Variants in ATP2C1 observed in about 807,000 individuals in gnomAD.
ATP2C1 encodes calcium-transporting ATPase type 2C member 1.
Under a neutral mutation model 120.5 loss-of-function variants are expected in ATP2C1, and 31 were observed. The observed-to-expected ratio is 0.26, with a 90% CI of 0.19 to 0.35. The LOEUF (loss-of-function observed/expected upper bound fraction) is 0.35, where lower values mean the gene tolerates loss of function less well. Among genes scored for constraint, ATP2C1 ranks in the 10% least tolerant of loss-of-function variants. ATP2C1 has a pLI of 1.00. For missense variants in ATP2C1, 731 were observed against 1,107.5 expected (o/e 0.66, Z 4.83); for synonymous variants, 351 against 358.7 (o/e 0.98, Z 0.24).
At chr3:130,889,280 C>T (rs2069085842), upstream of ATP2C1, among the ~76,000 whole-genome samples, 1 of 152,130 alleles carries the variant, frequency 6.6e-6, no homozygotes, top group Non-Finnish European at 1.5e-5. Context: ...TACAGTGGCC[C>T]TACCAGTAAT....
In ATP2C1 at chr3:130,874,703, T is replaced by A. The variant is rs111488056; in HGVS notation, c.108+23775T>A. Among the ~76,000 whole-genome samples, 773 of 152,282 alleles carry A rather than the reference T, an allele frequency of 5.1e-3. 11 individuals carry two copies. The highest frequency in any genetic ancestry group is 0.017 in the African/African-American group (722 of 41,546). On this transcript the variant is annotated intron_variant, in intron 1 of 26. Coordinates refer to the ATP2C1 transcript ENST00000504381. Reference sequence around the variant, plus strand: ...TATTAAAGGACTTGGCTTCTTCGAGTCACTACTTTGCCATTCTTAGTATTG... The same window carrying A: ...TATTAAAGGACTTGGCTTCTTCGAGACACTACTTTGCCATTCTTAGTATTG...
chr3:130,985,374 T>C (rs567980876), intron 20 of ATP2C1, among the ~76,000 whole-genome samples: 1 of 152,268 alleles, frequency 6.6e-6, no homozygotes, highest in Non-Finnish European at 1.5e-5. Flanking sequence ...GGCTCACAGC[T>C]GTAATCCCAG....
At chr3:131,016,028 T>C (rs1424083449) in intron 26 of ATP2C1, 1 of 1,255,142 alleles carries the variant, frequency 8.0e-7, no homozygotes, top group Admixed American at 2.1e-5. Context: ...TTAAGATTAG[T>C]TTTTTTTTGT....
chr3:130,898,463 A>C (rs1275943620), intron 2 of ATP2C1, among the ~76,000 whole-genome samples: 1 of 152,174 alleles, frequency 6.6e-6, no homozygotes, highest in Admixed American at 6.5e-5. Context: ...CAGGTTATAA[A>C]AATATATCTT....
At chr3:130,927,230 AT>A (rs924179525) in intron 2 of ATP2C1, among the ~76,000 whole-genome samples, 13 of 148,566 alleles carry the variant, frequency 8.8e-5, no homozygotes, top group Admixed American at 1.3e-4. Context: ...CATCTTTAAG[AT>A]TTTTTTTTTA....
chr3:131,005,536 G>A (rs75436749), downstream of ATP2C1, among the ~76,000 whole-genome samples: 17,957 of 152,250 alleles, frequency 0.12, 1,283 homozygotes, highest in South Asian at 0.23. Flanking sequence ...AAGAACCTAA[G>A]CTAAGCAGGG....
chr3:130,964,299 C>G (rs1311554099), intron 13 of ATP2C1, among the ~76,000 whole-genome samples: 2 of 152,002 alleles, frequency 1.3e-5, no homozygotes, highest in Non-Finnish European at 2.9e-5. Flanking sequence ...AGAAATCTTT[C>G]TACATCATGT....
chr3:130,902,657 C>T (rs192706262), intron 2 of ATP2C1, among the ~76,000 whole-genome samples: 1 of 152,030 alleles, frequency 6.6e-6, no homozygotes, highest in East Asian at 1.9e-4. Flanking sequence ...ATGGAAAATG[C>T]TAGACCTCCT....
intron 8 of ATP2C1, 152 bp from the exon 9 acceptor site, chr3:130,953,669 T>G: frequency 1.2e-6 from 1 of 805,242 alleles, no homozygotes; most frequent in Non-Finnish European, 2.1e-6. Flanking sequence ...ATGATTGTAC[T>G]GATTCTGGTC....
intron 1 of ATP2C1, among the ~76,000 whole-genome samples, chr3:130,854,882 T>C (rs181394276): frequency 6.6e-6 from 1 of 152,338 alleles, no homozygotes; most frequent in East Asian, 1.9e-4. Context: ...TCCAATCATC[T>C]ACTTGATATC....
At chr3:130,867,881 G>C (rs894162877) in intron 1 of ATP2C1, 5 of 201,366 alleles carry the variant, frequency 2.5e-5, no homozygotes, top group African/African-American at 7.2e-5. Context: ...CATCTAGGAA[G>C]TGAGGAGCGT....
intron 12 of ATP2C1, 177 bp downstream of exon 12, chr3:130,959,518 A>T: frequency 2.1e-6 from 1 of 473,154 alleles, no homozygotes; most frequent in Non-Finnish European, 3.9e-6. Context: ...ATGAAAATGT[A>T]TGTATATGGT....
intron 20 of ATP2C1, among the ~76,000 whole-genome samples, chr3:130,991,011 A>T (rs1032398313): frequency 4.6e-5 from 7 of 152,312 alleles, no homozygotes; most frequent in African/African-American, 1.4e-4. Context: ...TGAGATAAAA[A>T]TGCATTCAAA....
At chr3:130,993,094 A>G (rs1313584429) in intron 21 of ATP2C1, 93 bp downstream of exon 21, 14 of 1,115,130 alleles carry the variant, frequency 1.3e-5, no homozygotes. Context: ...GTAGAGCATC[A>G]AGGTCAGAAA....
rs56991562 is a variant in ATP2C1, at chr3:130,989,565, C to CAAA, written c.1840-3370_1840-3368dup. Among the ~76,000 whole-genome samples, 401 of 114,524 alleles carry CAAA rather than the reference C, an allele frequency of 3.5e-3. 3 individuals are homozygous for CAAA. The East Asian group carries it at 0.043, about 12-fold the overall frequency. The allele number at this position is 114,524 out of a possible 152,430, so 75.1% of individuals were successfully genotyped here. On this transcript the variant is annotated intron_variant, in intron 20 of 27. Transcript: ENST00000510168. ...GGGCAACAAGAGCGAAACTCCATCT[C>CAAA]AAAAAAAAAAAAAAAAAACACAAAC... is the stretch of plus-strand genomic sequence containing the variant.
chr3:130,995,645 A>ATTTG (rs999077793), intron 22 of ATP2C1, among the ~76,000 whole-genome samples: 12 of 151,918 alleles, frequency 7.9e-5, no homozygotes, highest in South Asian at 4.2e-4. Flanking sequence ...TATTTTATTT[A>ATTTG]TTTGTTTGTT....
chr3:130,894,200 T>C lies in ATP2C1; in HGVS notation c.-318T>C. 4.1e-6 allele frequency: 4 copies of C among 970,718 alleles called. No homozygotes were observed. Among genetic ancestry groups the C allele is most frequent in the Non-Finnish European group, 4.9e-6 (4 of 821,096 alleles). The allele number at this position is 970,718 out of a possible 1,614,324, so 60.1% of individuals were successfully genotyped here. On this transcript the variant is annotated 5_prime_UTR_variant, in exon 1 of 28. Transcript: ENST00000510168. This position sits in a 1 kb window ranked among gnomAD's most constrained non-coding sequence, Gnocchi z 4.5. Reference sequence around the variant, plus strand: ...TCCCTTCCTCCCTCCCGCTCGCTTCTTCTCACGCCGGGAGCAGGCTCCCGC... The same window carrying C: ...TCCCTTCCTCCCTCCCGCTCGCTTCCTCTCACGCCGGGAGCAGGCTCCCGC...
chr3:130,999,248 G>C (rs183336194), intron 26 of ATP2C1, among the ~76,000 whole-genome samples: 4 of 152,166 alleles, frequency 2.6e-5, no homozygotes, highest in Non-Finnish European at 5.9e-5. Context: ...ATGTTAAAAG[G>C]TTTCTTTTCT....
chr3:130,974,141 A>G (rs990114676), intron 17 of ATP2C1, among the ~76,000 whole-genome samples: 2 of 152,228 alleles, frequency 1.3e-5, no homozygotes, highest in Non-Finnish European at 2.9e-5. Flanking sequence ...TTTATATTAC[A>G]TTGAAGAGTT....
Sources: gnomAD v4.1 joint callset for allele counts (sites outside exome capture counted in the v4.1 genomes callset) on GRCh38, gnomAD v4.1.1 for gene constraint, Gnocchi (gnomAD v3.1) non-coding constraint, MANE v1.5 for transcripts, NCBI Gene and HGNC (gene_info 2026-07-23, HGNC 2026-07-21) for gene names.